Variants in SUSD5 observed in about 807,000 individuals in gnomAD.
The protein encoded by SUSD5 is sushi domain-containing protein 5.
A neutral mutation model predicts 29.5 loss-of-function variants in SUSD5; 33 were observed. The ratio of observed to expected loss-of-function variants is 1.12; its 90% confidence interval spans 0.85 to 1.49. The LOEUF is 1.49. Ranked by LOEUF, SUSD5 falls within the 40% of genes most tolerant of loss-of-function variation. SUSD5 has a pLI of 0.00. For missense variants in SUSD5, 776 were observed against 800.6 expected (o/e 0.97, Z 0.37); for synonymous variants, 308 against 325.3 (o/e 0.95, Z 0.57).
At chr3:33,183,930 CTTTTTTTTTTTTTT>C (rs68055129) in intron 3 of SUSD5, among the ~76,000 whole-genome samples, 8 of 62,608 alleles carry the variant, frequency 1.3e-4, no homozygotes, top group South Asian at 8.5e-4. Flanking sequence ...TTATTACCCT[CTTTTTTTTTTTTTT>C]TTTTTTTTTT....
rs1286055047 is a variant in SUSD5, at chr3:33,168,617, C to G, written c.598+6269G>C. ...CCTGGAGGCAGCACATAGCATGATGCAGATATCAGGACAGGATATGCCTGG... is the reference window on the plus strand; with the variant it reads ...CCTGGAGGCAGCACATAGCATGATGGAGATATCAGGACAGGATATGCCTGG... On this transcript the variant is annotated intron_variant, in intron 4 of 4. Transcript: ENST00000309558. The G allele has an allele frequency of 5.1e-6, 5 of 982,550 alleles. No individual in the cohort carries two copies. The African/African-American group carries it at 8.7e-5, about 17-fold the overall frequency. The allele number at this position is 982,550 out of a possible 1,614,324, so 60.9% of individuals were successfully genotyped here. A position where few individuals can be genotyped will look rare whatever the true frequency, so the allele number is the denominator to read the frequency against.
intron 3 of SUSD5, among the ~76,000 whole-genome samples, chr3:33,198,861 G>C (rs911220564): frequency 1.3e-5 from 2 of 152,160 alleles, no homozygotes; most frequent in Non-Finnish European, 2.9e-5. Context: ...GGGGGAAAGA[G>C]AGTTAGGAAG....
At chr3:33,159,864 T>C (rs925340272) in intron 4 of SUSD5, among the ~76,000 whole-genome samples, 3 of 152,124 alleles carry the variant, frequency 2.0e-5, no homozygotes, top group Non-Finnish European at 4.4e-5. Context: ...CAGAAACTAG[T>C]TACCAAGAGG....
chr3:33,166,218 T>G (rs2031301878), intron 4 of SUSD5, among the ~76,000 whole-genome samples: 1 of 152,162 alleles, frequency 6.6e-6, no homozygotes, highest in Admixed American at 6.5e-5. Context: ...ACCAAAAACA[T>G]TGCTTTGCTA....
chr3:33,182,848 G>C (rs2031700418), intron 3 of SUSD5, among the ~76,000 whole-genome samples: 1 of 152,082 alleles, frequency 6.6e-6, no homozygotes, highest in South Asian at 2.1e-4. Context: ...GTGCAGTGGT[G>C]TGATCTCGGC....
At chr3:33,189,328 A>G (rs996565862) in intron 3 of SUSD5, among the ~76,000 whole-genome samples, 1 of 152,048 alleles carries the variant, frequency 6.6e-6, no homozygotes, top group African/African-American at 2.4e-5. Context: ...AAATACAAAA[A>G]TTACCTGGAT....
intron 4 of SUSD5, among the ~76,000 whole-genome samples, chr3:33,155,299 T>C (rs971224266): frequency 6.6e-6 from 1 of 152,142 alleles, no homozygotes; most frequent in East Asian, 1.9e-4. Context: ...CAGAAAGATA[T>C]CAGATTAGTC....
chr3:33,157,181 T>C (rs970264806), intron 4 of SUSD5, among the ~76,000 whole-genome samples: 2 of 152,214 alleles, frequency 1.3e-5, no homozygotes, highest in African/African-American at 2.4e-5. Flanking sequence ...GTGCTGACTA[T>C]GTGCTAGAGT....
intron 1 of SUSD5, among the ~76,000 whole-genome samples, chr3:33,218,070 GC>G (rs1404613679): frequency 6.6e-6 from 1 of 152,190 alleles, no homozygotes; most frequent in Non-Finnish European, 1.5e-5. Context: ...CCATAATCTG[GC>G]CCTTGCCCAC....
rs766207875 is a variant in SUSD5 at position 33,154,031 on chromosome 3, C to T, written c.601G>A (p.Glu201Lys). 8.3e-6 allele frequency: 13 copies of T among 1,573,406 alleles called. No homozygotes were observed. The highest frequency in any genetic ancestry group is 2.0e-5 in the Admixed American group (1 of 50,454). ...YGLVQACGKDEAEAHIDYEDN... is the reference protein window; with the variant it reads ...YGLVQACGKDKAEAHIDYEDN... ...TCATAGTCAATGTGTGCCTCAGCCT[C>T]ATCTGGAAGAAAAGAGGGAAAAAAC... The change falls in exon 5 of 5, where the codon GAG (glutamate) becomes AAG (lysine). Residue 201 changes from glutamate (E) to lysine (K), a missense_variant and splice_region_variant. Coordinates refer to ENST00000309558, the MANE Select transcript of SUSD5 (RefSeq NM_015551.2).
chr3:33,207,421 A>G (rs1439142307), intron 3 of SUSD5, among the ~76,000 whole-genome samples: 4 of 152,190 alleles, frequency 2.6e-5, no homozygotes, highest in Non-Finnish European at 5.9e-5. Context: ...ACGAAAAAAC[A>G]GAAGAACCTG....
intron 4 of SUSD5, among the ~76,000 whole-genome samples, chr3:33,155,301 A>G (rs2125613272): frequency 6.6e-6 from 1 of 152,380 alleles, no homozygotes; most frequent in South Asian, 2.1e-4. Context: ...GAAAGATATC[A>G]GATTAGTCAT....
intron 4 of SUSD5, among the ~76,000 whole-genome samples, chr3:33,155,231 A>T (rs771170407): frequency 6.6e-6 from 1 of 152,236 alleles, no homozygotes; most frequent in Non-Finnish European, 1.5e-5. Flanking sequence ...ACAAATCTAT[A>T]CTAAGTAGAC....
chr3:33,155,803 A>G (rs1353991228), intron 4 of SUSD5, among the ~76,000 whole-genome samples: 3 of 152,230 alleles, frequency 2.0e-5, no homozygotes. Flanking sequence ...GATTCTATTT[A>G]TATAAAGTTT....
intron 4 of SUSD5, among the ~76,000 whole-genome samples, chr3:33,170,553 A>G (rs1330446408): frequency 1.3e-5 from 2 of 152,198 alleles, no homozygotes; most frequent in Admixed American, 6.5e-5. Flanking sequence ...GTGAACACAC[A>G]GCCTGGTCGG....
At chr3:33,179,384 T>C (rs571907856) in intron 3 of SUSD5, among the ~76,000 whole-genome samples, 10 of 152,266 alleles carry the variant, frequency 6.6e-5, no homozygotes, top group African/African-American at 2.4e-4. Flanking sequence ...CAAAGAAGAA[T>C]GGACAGCTGT....
intron 3 of SUSD5, 137 bp downstream of exon 3, chr3:33,207,671 C>T (rs998263640): frequency 4.5e-5 from 26 of 579,702 alleles, no homozygotes; most frequent in African/African-American, 2.9e-4. Flanking sequence ...GCACTATTGG[C>T]TTTTCTTTGG....
At position 33,151,570 on chromosome 3, in the gene SUSD5, TTC is replaced by T. The variant is rs1044864826; in HGVS notation, c.*1170_*1171del. Reference sequence around the variant, plus strand: ...TTTCTTTTTTTTTTCTCCCGTGTCATTCTCTCTTACTGGAGTTCAGAGAAATG... The same window carrying T: ...TTTCTTTTTTTTTTCTCCCGTGTCATTCTCTTACTGGAGTTCAGAGAAATG... On this transcript the variant is annotated 3_prime_UTR_variant, in exon 5 of 5. Transcript: ENST00000309558. 69 of 152,156 alleles carry T rather than the reference TTC, an allele frequency of 4.5e-4. No homozygotes were observed. The highest frequency in any genetic ancestry group is 1.5e-3 in the African/African-American group (64 of 41,504). 9.4% of individuals were successfully genotyped at this position (152,156 alleles called of 1,614,324 possible). A position where few individuals can be genotyped will look rare whatever the true frequency, so the allele number is the denominator to read the frequency against.
chr3:33,218,790 G>A lies in SUSD5; in HGVS notation c.8C>T (p.Ala3Val), dbSNP rs1207727265. ...ACGGGCAGGCGGGCTGGGTCCCTCG[G>A]CAGTCATGGTCCGGGAGTGCGCGGG... MTAEGPSPPARWH... is the reference protein window; with the variant it reads MTVEGPSPPARWH... The change falls in exon 1 of 5, where the codon GCC becomes GTC. Residue 3 changes from alanine (A) to valine (V), a missense_variant. Coordinates refer to ENST00000309558, the MANE Select transcript of SUSD5 (RefSeq NM_015551.2). 1 of 1,445,498 alleles carries A rather than the reference G, an allele frequency of 6.9e-7. No homozygotes were observed. Among genetic ancestry groups the A allele is most frequent in the South Asian group, 1.4e-5 (1 of 71,678 alleles). The allele number at this position is 1,445,498 out of a possible 1,614,324, so 89.5% of individuals were successfully genotyped here.
Sources: gnomAD v4.1 joint callset for allele counts (sites outside exome capture counted in the v4.1 genomes callset) on GRCh38, gnomAD v4.1.1 for gene constraint, MANE v1.5 for transcripts, NCBI Gene and HGNC (gene_info 2026-07-23, HGNC 2026-07-21) for gene names.